Variants in SPON2 observed in about 807,000 individuals in gnomAD.
The protein encoded by SPON2 is spondin 2, also known as spondin-2.
In SPON2, 32 loss-of-function variants were observed where a neutral mutation model predicts 29.9. The observed-to-expected ratio is 1.07, with a 90% CI of 0.81 to 1.44. The LOEUF is 1.44. Among genes scored for constraint, SPON2 ranks in the 40% most tolerant of loss-of-function variants. The pLI, the probability that SPON2 is intolerant of heterozygous loss-of-function variation, is 0.00. For synonymous variants in SPON2, 248 were observed against 209.1 expected (o/e 1.19, Z -1.61); for missense variants, 541 against 455.5 (o/e 1.19, Z -1.71).
chr4:1,200,378 G>A (rs559660943), intron 1 of SPON2, among the ~76,000 whole-genome samples: 1 of 152,250 alleles, frequency 6.6e-6, no homozygotes, highest in East Asian at 1.9e-4. Flanking sequence ...CGGGGCTGGG[G>A]AGTAAATGAC....
At chr4:1,191,980 C>CA (rs1333110509) in intron 1 of SPON2, among the ~76,000 whole-genome samples, 2 of 152,220 alleles carry the variant, frequency 1.3e-5, no homozygotes, top group African/African-American at 4.8e-5. Flanking sequence ...TCCCTGTTTC[C>CA]AGGGCTCTGA....
intron 5 of SPON2, among the ~76,000 whole-genome samples, chr4:1,169,088 C>T (rs1039377709): frequency 1.3e-5 from 2 of 152,038 alleles, no homozygotes. Flanking sequence ...TCTCCCCACC[C>T]TTCCCCTGCA....
At chr4:1,197,644 A>G (rs1383927948), upstream of SPON2, among the ~76,000 whole-genome samples, 2 of 152,278 alleles carry the variant, frequency 1.3e-5, no homozygotes, top group African/African-American at 2.4e-5. Context: ...AATTATGAAG[A>G]TAAAGCCAGA....
chr4:1,170,493 T>G lies in SPON2; in HGVS notation c.720A>C (p.Thr240=), dbSNP rs1727390636. Residue 240 remains threonine, a synonymous_variant, in exon 5 of 6, where the codon ACA becomes ACC. Coordinates refer to ENST00000290902, the MANE Select transcript of SPON2 (RefSeq NM_012445.4). ...TGGGGCTCTGTCGCAGCCGCACCAGTGTCACCCTGGCGATGGGAGGCAGGG... is the reference window on the plus strand; with the variant it reads ...TGGGGCTCTGTCGCAGCCGCACCAGGGTCACCCTGGCGATGGGAGGCAGGG... ...LKALPPIARV[T]LVRLRQSPRA... is the part of the protein sequence containing the mutation. 1.2e-6 allele frequency: 2 copies of G among 1,614,006 alleles called. No individual in the cohort carries two copies. Among genetic ancestry groups the G allele is most frequent in the Non-Finnish European group, 1.7e-6 (2 of 1,179,970 alleles).
chr4:1,171,300 G>T lies in SPON2; in HGVS notation c.407C>A (p.Thr136Lys). 1 of 1,591,146 alleles carries T rather than the reference G, an allele frequency of 6.3e-7. No homozygotes were observed. The highest frequency in any genetic ancestry group is 8.5e-7 in the Non-Finnish European group (1 of 1,173,920). ...APAVPSGTGQTSAELEVQRRH... is the reference protein window; with the variant it reads ...APAVPSGTGQKSAELEVQRRH... ...GCGCTGCACCTCCAGCTCCGCCGAC[G>T]TCTGCCCGGTGCCGCTGGGGACGGC... is the stretch of plus-strand genomic sequence containing the variant. The change falls in exon 3 of 6, where the codon ACG becomes AAG. Residue 136 changes from threonine to lysine, a missense_variant. Thr to Lys is a moderately conservative substitution (Grantham distance 78, BLOSUM62 -1). Coordinates refer to ENST00000290902, the MANE Select transcript of SPON2 (RefSeq NM_012445.4).
chr4:1,171,763 C>A, intron 2 of SPON2, 89 bp downstream of exon 2: 1 of 966,802 alleles, frequency 1.0e-6, no homozygotes. Flanking sequence ...ACGCCCCAGA[C>A]TGGGAAGCGC....
At chr4:1,168,972 C>T (rs1488661781) in intron 5 of SPON2, among the ~76,000 whole-genome samples, 1 of 152,152 alleles carries the variant, frequency 6.6e-6, no homozygotes, top group Non-Finnish European at 1.5e-5. Flanking sequence ...GGTCTGTGCT[C>T]CGTCCCCACT....
At chr4:1,176,949 C>A (rs1357862792), upstream of SPON2, among the ~76,000 whole-genome samples, 1 of 152,204 alleles carries the variant, frequency 6.6e-6, no homozygotes. Context: ...GAGATGGGGA[C>A]AAAGGAGTGA....
chr4:1,188,020 G>A (rs1350927723), intron 1 of SPON2, among the ~76,000 whole-genome samples: 4 of 150,936 alleles, frequency 2.7e-5, no homozygotes, highest in Non-Finnish European at 5.9e-5. Context: ...TGGCCAACAC[G>A]ATGAAACACC....
chr4:1,167,632 T>A lies in SPON2; in HGVS notation c.836A>T (p.Glu279Val), dbSNP rs1271067845. The A allele has an allele frequency of 1.2e-6, 2 of 1,610,318 alleles. No homozygotes were observed. Among genetic ancestry groups the A allele is most frequent in the Non-Finnish European group, 1.7e-6 (2 of 1,178,104 alleles). The change falls in exon 6 of 6, where the codon GAG (glutamate) becomes GTG (valine). Residue 279 changes from glutamate (E) to valine (V), a missense_variant. By Grantham distance (121) the Glu-to-Val change is moderately radical (BLOSUM62 -2). Coordinates refer to ENST00000290902, the MANE Select transcript of SPON2 (RefSeq NM_012445.4). ...TCCCCAGGACGACCACAGGGAGACC[T>A]CGCAGTCCAGCGGCGTTTCTGGAAC... is the stretch of plus-strand genomic sequence containing the variant. ...ASVPETPLDC[E>V]VSLWSSWGLC...
chr4:1,170,906 C>A (rs1009397326), intron 4 of SPON2, 93 bp downstream of exon 4: 1 of 1,489,812 alleles, frequency 6.7e-7, no homozygotes, highest in African/African-American at 1.4e-5. Context: ...AAGCGGCTGT[C>A]CTGGGCTGGG....
intron 1 of SPON2, among the ~76,000 whole-genome samples, chr4:1,191,082 C>CTT (rs771514559): frequency 2.0e-4 from 28 of 140,194 alleles, no homozygotes; most frequent in African/African-American, 6.0e-4. Flanking sequence ...CTTTTTTTTT[C>CTT]TTTTTTTTTT....
chr4:1,194,705 G>A (rs1728003040), intron 1 of SPON2, among the ~76,000 whole-genome samples: 1 of 152,096 alleles, frequency 6.6e-6, no homozygotes, highest in Non-Finnish European at 1.5e-5. Context: ...CCTCGCTGGT[G>A]GCCTGGTTTC....
chr4:1,167,620 C>T lies in SPON2; in HGVS notation c.848G>A (p.Trp283Ter). The change falls in exon 6 of 6, where the codon TGG (tryptophan) becomes TAG (stop). Residue 283 changes from tryptophan to a stop codon, truncating the protein, a stop_gained. Coordinates refer to ENST00000290902, the MANE Select transcript of SPON2 (RefSeq NM_012445.4). LOFTEE classifies it high-confidence loss of function. Reference protein sequence around the residue: ...ETPLDCEVSLWSSWGLCGGHC... With the variant: ...ETPLDCEVSL ...GCCTCCGCACAGTCCCCAGGACGAC[C>T]ACAGGGAGACCTCGCAGTCCAGCGG... 6.2e-7 allele frequency: 1 copy of T among 1,611,950 alleles called. No individual in the cohort carries two copies. The highest frequency in any genetic ancestry group is 8.5e-7 in the Non-Finnish European group (1 of 1,178,988).
chr4:1,167,440 CG>C lies in SPON2; in HGVS notation c.*31del, dbSNP rs372917721. The C allele has an allele frequency of 9.4e-6, 15 of 1,595,878 alleles. No homozygotes were observed. Among genetic ancestry groups the C allele is most frequent in the African/African-American group, 1.3e-5 (1 of 74,640 alleles). On this transcript the variant is annotated 3_prime_UTR_variant, in exon 6 of 6. Coordinates refer to ENST00000290902, the MANE Select transcript of SPON2 (RefSeq NM_012445.4). ...AGGAGCCCCCGACACCCCATGGCTC[CG>C]GGGGGCCCCAGGGGCTGCGGGGCTC... is the stretch of plus-strand genomic sequence containing the variant.
Position 1,202,190 on chromosome 4 carries a change from G to A in SPON2, c.-234+5690C>T, listed in dbSNP as rs1355618452. Among the ~76,000 whole-genome samples the A allele has an allele frequency of 2.0e-5, 3 of 152,216 alleles. No homozygotes were observed. The highest frequency in any genetic ancestry group is 2.9e-5 in the Non-Finnish European group (2 of 68,034). The stretch of plus-strand genomic sequence containing the variant: ...CCTGCCTCCCCGTCTGGAGGCCAAG[G>A]TTGGGTTCTCCTCTTCCACGATGGC... On this transcript the variant is annotated intron_variant, in intron 1 of 3. Transcript: ENST00000509233. This position sits in a 1 kb window ranked among gnomAD's most constrained non-coding sequence, Gnocchi z 5.4.
rs1341446979 is a variant in SPON2, at chr4:1,171,180, A to G, written c.455T>C (p.Val152Ala). 1.3e-6 allele frequency: 2 copies of G among 1,531,510 alleles called. No individual in the cohort carries two copies. The highest frequency in any genetic ancestry group is 1.8e-6 in the Non-Finnish European group (2 of 1,142,608). 94.9% of individuals were successfully genotyped at this position (1,531,510 alleles called of 1,614,324 possible). ...VQRRHSLVSF[V>A]VRIVPSPDWF... ...GTCGGGGCTGGGCACGATGCGCACC[A>G]CAAACGAGACCTGCGGCGACAGCGG... The change falls in exon 4 of 6, where the codon GTG (valine) becomes GCG (alanine). Residue 152 changes from valine to alanine, a missense_variant. Transcript: ENST00000290902.
chr4:1,172,095 A>G (rs758561285), intron 1 of SPON2, 21 bp from the exon 2 acceptor site: 2 of 1,601,954 alleles, frequency 1.2e-6, no homozygotes, highest in African/African-American at 2.7e-5. Context: ...AGAGGGGAGC[A>G]GCCGCGCGCT....
intron 1 of SPON2, among the ~76,000 whole-genome samples, chr4:1,188,926 C>A (rs1394864352): frequency 6.6e-6 from 1 of 151,992 alleles, no homozygotes; most frequent in South Asian, 2.1e-4. Flanking sequence ...AGAATAAACC[C>A]GATGTTGTCA....
Sources: allele counts gnomAD v4.1 joint callset (sites outside exome capture counted in the v4.1 genomes callset), GRCh38; gene constraint gnomAD v4.1.1; non-coding constraint Gnocchi (gnomAD v3.1); transcripts MANE v1.5; gene names NCBI Gene and HGNC (gene_info 2026-07-23, HGNC 2026-07-21).